The following TBC1D32 variants were observed in gnomAD, a reference collection of about 807,000 sequenced individuals.
TBC1D32 encodes TBC1 domain family member 32, also known as protein broad-minded.
In TBC1D32, 151 loss-of-function variants were observed where a neutral mutation model predicts 170.3. The ratio of observed to expected loss-of-function variants is 0.89; its 90% CI spans 0.78 to 1.01. The LOEUF is 1.01. Ranked by LOEUF, TBC1D32 falls within the 50% of genes least tolerant of loss-of-function variation. TBC1D32 has a pLI of 0.00. For synonymous variants in TBC1D32, 498 were observed against 488.0 expected (o/e 1.02, Z -0.27); for missense variants, 1,464 against 1,457.1 (o/e 1.00, Z -0.08).
chr6:121,276,243 A>G, intron 15 of TBC1D32, among the ~76,000 whole-genome samples: 1 of 152,148 alleles, frequency 6.6e-6, no homozygotes, highest in East Asian at 1.9e-4. Context: ...GAGTAACAGA[A>G]ACGATATAAG....
intron 15 of TBC1D32, among the ~76,000 whole-genome samples, chr6:121,264,273 T>G (rs1800155986): frequency 6.6e-6 from 1 of 152,116 alleles, no homozygotes; most frequent in African/African-American, 2.4e-5. Flanking sequence ...AGAGTCAAAC[T>G]ACCATCAGAG....
intron 24 of TBC1D32, among the ~76,000 whole-genome samples, chr6:121,142,592 G>A (rs1348176067): frequency 6.6e-6 from 1 of 152,142 alleles, no homozygotes; most frequent in Non-Finnish European, 1.5e-5. Context: ...GCTAGATGGG[G>A]AAATAAGAAC....
chr6:121,313,293 T>G (rs866935671), intron 3 of TBC1D32, among the ~76,000 whole-genome samples: 22 of 135,892 alleles, frequency 1.6e-4, no homozygotes, highest in African/African-American at 5.8e-4. Flanking sequence ...TTTTTTTTTT[T>G]GAGACGGCAT....
In TBC1D32 at chr6:121,264,788, C is replaced by T. The variant is rs142249907; in HGVS notation, c.1734-8503G>A. 2.5e-3 allele frequency among the ~76,000 whole-genome samples: 385 copies of T among 152,288 alleles called. 7 individuals are homozygous for T. The highest frequency in any genetic ancestry group is 0.019 in the Admixed American group (290 of 15,294). ...ACACAAATCAATAAACATAATTCAT[C>T]ACGTAAACAGAACCAATGACAAAAA... On this transcript the variant is annotated intron_variant, in intron 15 of 31. Transcript: ENST00000398212.
chr6:121,325,848 T>C (rs1356495678), intron 1 of TBC1D32, among the ~76,000 whole-genome samples: 1 of 152,072 alleles, frequency 6.6e-6, no homozygotes, highest in African/African-American at 2.4e-5. Flanking sequence ...ACCTACAGAA[T>C]GGGAGAAAAT....
chr6:121,089,989 A>T (rs1463217187), intron 31 of TBC1D32, among the ~76,000 whole-genome samples: 1 of 149,354 alleles, frequency 6.7e-6, no homozygotes, highest in Non-Finnish European at 1.5e-5. Context: ...GCTGGAGTGC[A>T]GTGGTGCGAT....
intron 30 of TBC1D32, among the ~76,000 whole-genome samples, chr6:121,103,817 A>C (rs1304443961): frequency 6.6e-6 from 1 of 152,002 alleles, no homozygotes; most frequent in African/African-American, 2.4e-5. Flanking sequence ...TTAGAAAAGC[A>C]AAAGGGAACT....
chr6:121,154,309 C>A (rs545431746), intron 24 of TBC1D32, among the ~76,000 whole-genome samples: 2 of 152,112 alleles, frequency 1.3e-5, no homozygotes, highest in Non-Finnish European at 2.9e-5. Flanking sequence ...GTTCACCCTC[C>A]GTGGGCTTCA....
chr6:121,262,472 TTAAA>T (rs1799884387), intron 15 of TBC1D32, among the ~76,000 whole-genome samples: 1 of 147,696 alleles, frequency 6.8e-6, no homozygotes, highest in Non-Finnish European at 1.5e-5. Context: ...GAGGCCAATA[TTAAA>T]TACTTTTTTT....
chr6:121,324,789 A>G (rs1810237414), intron 1 of TBC1D32, among the ~76,000 whole-genome samples: 1 of 152,246 alleles, frequency 6.6e-6, no homozygotes. Flanking sequence ...TAAGAAAAAA[A>G]TTCAAAAATT....
chr6:121,172,848 G>C (rs912632572), intron 22 of TBC1D32, among the ~76,000 whole-genome samples: 2 of 152,160 alleles, frequency 1.3e-5, no homozygotes, highest in South Asian at 2.1e-4. Context: ...TTTGGGTTGG[G>C]GATTGGTGTG....
Position 121,256,300 on chromosome 6 carries a change from C to G in TBC1D32, c.1734-15G>C, listed in dbSNP as rs1799008988. 1 of 1,591,980 alleles carries G rather than the reference C, an allele frequency of 6.3e-7. No individual in the cohort carries two copies. Among genetic ancestry groups the G allele is most frequent in the South Asian group, 1.1e-5 (1 of 88,260 alleles). On this transcript the variant is annotated splice_polypyrimidine_tract_variant and intron_variant, in intron 15 of 31. Coordinates refer to ENST00000398212, the MANE Select transcript of TBC1D32 (RefSeq NM_152730.6). Reference sequence around the variant, plus strand: ...CACCTGTAGGACTAAAAGATGATACCTGAAAGTGATTCCAAGGTTATATTA... The same window carrying G: ...CACCTGTAGGACTAAAAGATGATACGTGAAAGTGATTCCAAGGTTATATTA...
intron 12 of TBC1D32, among the ~76,000 whole-genome samples, chr6:121,285,052 T>A (rs1359845865): frequency 2.0e-5 from 3 of 152,086 alleles, no homozygotes; most frequent in Admixed American, 1.3e-4. Context: ...TAAAAGAGTA[T>A]TCAAAATAAA....
chr6:121,129,311 T>G (rs933585487), intron 25 of TBC1D32, among the ~76,000 whole-genome samples: 6 of 152,208 alleles, frequency 3.9e-5, no homozygotes, highest in African/African-American at 1.4e-4. Context: ...GTGTTAGATT[T>G]TGCCCAGCCA....
intron 22 of TBC1D32, among the ~76,000 whole-genome samples, chr6:121,177,205 A>T (rs1787885345): frequency 6.6e-6 from 1 of 152,074 alleles, no homozygotes; most frequent in Non-Finnish European, 1.5e-5. Flanking sequence ...CTTGGTGGGA[A>T]GTGACTGGGT....
intron 3 of TBC1D32, among the ~76,000 whole-genome samples, chr6:121,316,904 A>ATGGC (rs1809010652): frequency 6.6e-6 from 1 of 152,114 alleles, no homozygotes; most frequent in Non-Finnish European, 1.5e-5. Flanking sequence ...GTACAAGTTC[A>ATGGC]TGGCACATGC....
chr6:121,266,388 T>C (rs1460662672), intron 15 of TBC1D32, among the ~76,000 whole-genome samples: 2 of 152,138 alleles, frequency 1.3e-5, no homozygotes, highest in Admixed American at 6.6e-5. Flanking sequence ...CCAGTTAGAA[T>C]GGCAATTATT....
chr6:121,180,310 C>T (rs545356734), intron 22 of TBC1D32, among the ~76,000 whole-genome samples: 4 of 152,166 alleles, frequency 2.6e-5, no homozygotes, highest in Non-Finnish European at 4.4e-5. Flanking sequence ...AGAAGAATTG[C>T]TCTATCAGTT....
At chr6:121,212,267 G>C (rs1309025497) in intron 21 of TBC1D32, among the ~76,000 whole-genome samples, 2 of 151,946 alleles carry the variant, frequency 1.3e-5, no homozygotes, top group Admixed American at 1.3e-4. Context: ...GGACCAGGTG[G>C]ATTCACAGCT....
Sources: allele counts gnomAD v4.1 joint callset (sites outside exome capture counted in the v4.1 genomes callset), GRCh38; gene constraint gnomAD v4.1.1; transcripts MANE v1.5; gene names NCBI Gene and HGNC (gene_info 2026-07-23, HGNC 2026-07-21).